Variants in CCDC7 observed in about 807,000 individuals in gnomAD.
CCDC7 encodes the protein coiled-coil domain containing 7, also known as coiled-coil domain-containing protein 7.
Under a neutral mutation model 196.9 loss-of-function variants are expected in CCDC7, and 183 were observed. The ratio of observed to expected loss-of-function variants is 0.93; its 90% confidence interval spans 0.82 to 1.05. The LOEUF (loss-of-function observed/expected upper bound fraction) is 1.05. Among genes scored for constraint, CCDC7 ranks in the 50% least tolerant of loss-of-function variants. The probability of loss-of-function intolerance (pLI) is 0.00; values close to 1 mark genes in which losing one functional copy is unlikely to be tolerated. For missense variants in CCDC7, 1,540 were observed against 1,482.2 expected (o/e 1.04, Z -0.64); for synonymous variants, 525 against 484.6 (o/e 1.08, Z -1.10).
At chr10:32,777,205 A>G (rs895795114) in intron 28 of CCDC7, among the ~76,000 whole-genome samples, 9 of 152,170 alleles carry the variant, frequency 5.9e-5, no homozygotes, top group African/African-American at 2.2e-4. Context: ...TGCAAAAGAC[A>G]TGATTTTGTT....
chr10:32,489,756 T>G (rs1171214942), intron 8 of CCDC7, among the ~76,000 whole-genome samples: 1 of 151,660 alleles, frequency 6.6e-6, no homozygotes, highest in Non-Finnish European at 1.5e-5. Context: ...GGGCCTGGGG[T>G]GGGGCTAGCC....
rs866820870 is a variant in CCDC7 at position 32,482,948 on chromosome 10, G to T, written c.796+8925G>T. The stretch of plus-strand genomic sequence containing the variant: ...AGTCTTTGCTATTGTGAATAGTGCC[G>T]CAATAAACATACGTGTGCATGTGTC... On this transcript the variant is annotated intron_variant, in intron 8 of 41. Transcript: ENST00000639629. Among the ~76,000 whole-genome samples the T allele has an allele frequency of 5.7e-4, 87 of 152,128 alleles. No individual in the cohort carries two copies. In the Middle Eastern group the frequency reaches 0.014, roughly 24 times the overall value.
intron 22 of CCDC7, among the ~76,000 whole-genome samples, chr10:32,882,157 C>T (rs2094814018): frequency 1.3e-5 from 2 of 152,106 alleles, no homozygotes; most frequent in Admixed American, 1.3e-4. Context: ...GATTCAACTC[C>T]AAGTACAGCA....
At chr10:32,669,162 G>A (rs1225639527) in intron 21 of CCDC7, among the ~76,000 whole-genome samples, 1 of 151,962 alleles carries the variant, frequency 6.6e-6, no homozygotes, top group Admixed American at 6.6e-5. Flanking sequence ...ATTATCATGT[G>A]GTTTTTGTCC....
chr10:32,655,422 A>G (rs2140248474), intron 20 of CCDC7, among the ~76,000 whole-genome samples: 1 of 152,216 alleles, frequency 6.6e-6, no homozygotes, highest in Middle Eastern at 3.4e-3. Flanking sequence ...AGTTGTTCTA[A>G]TAGGTGTGAG....
At chr10:32,677,371 T>G (rs1763795) in intron 21 of CCDC7, among the ~76,000 whole-genome samples, 1 of 142,828 alleles carries the variant, frequency 7.0e-6, no homozygotes, top group Admixed American at 6.8e-5. Context: ...ATAATAATAA[T>G]AAAAAAAAAG....
chr10:32,708,499 C>T (rs974629652), intron 24 of CCDC7, among the ~76,000 whole-genome samples: 1 of 152,200 alleles, frequency 6.6e-6, no homozygotes, highest in Non-Finnish European at 1.5e-5. Flanking sequence ...AGAGCTTCTG[C>T]ACAGCAAAAG....
At chr10:32,849,404 T>C in intron 39 of CCDC7, among the ~76,000 whole-genome samples, 1 of 151,798 alleles carries the variant, frequency 6.6e-6, no homozygotes, top group East Asian at 1.9e-4. Context: ...TTACTGGTTG[T>C]TCAAAAAGAA....
At chr10:32,670,660 C>T (rs534208407) in intron 21 of CCDC7, among the ~76,000 whole-genome samples, 37 of 150,944 alleles carry the variant, frequency 2.5e-4, no homozygotes, top group African/African-American at 8.5e-4. Flanking sequence ...TTTGTTCTTG[C>T]GATAGTTTAC....
At chr10:32,558,432 T>C (rs1289569855) in intron 13 of CCDC7, among the ~76,000 whole-genome samples, 4 of 152,146 alleles carry the variant, frequency 2.6e-5, no homozygotes, top group Non-Finnish European at 5.9e-5. Flanking sequence ...GAGATTTGGG[T>C]AGAGTTTATA....
At chr10:32,786,815 A>G (rs1267252159) in intron 29 of CCDC7, among the ~76,000 whole-genome samples, 2 of 152,174 alleles carry the variant, frequency 1.3e-5, no homozygotes, top group Non-Finnish European at 1.5e-5. Flanking sequence ...TCAAAGAGCT[A>G]AAGGAAAACA....
At chr10:32,768,775 A>G (rs2078713662) in intron 28 of CCDC7, among the ~76,000 whole-genome samples, 1 of 152,172 alleles carries the variant, frequency 6.6e-6, no homozygotes, top group Admixed American at 6.6e-5. Context: ...CGAGATTATC[A>G]AAAGTGTTTT....
At chr10:32,702,925 G>T (rs537983020) in intron 24 of CCDC7, among the ~76,000 whole-genome samples, 1 of 152,166 alleles carries the variant, frequency 6.6e-6, no homozygotes, top group Admixed American at 6.5e-5. Context: ...ACGTGAGATG[G>T]GTTTCCTGAA....
intron 20 of CCDC7, among the ~76,000 whole-genome samples, chr10:32,640,716 T>C (rs189406991): frequency 1.9e-3 from 296 of 152,254 alleles, no homozygotes; most frequent in Non-Finnish European, 3.6e-3. Flanking sequence ...GGTGACAAAA[T>C]CTGTCAGCAT....
intron 29 of CCDC7, among the ~76,000 whole-genome samples, chr10:32,793,624 A>T (rs2083073376): frequency 6.6e-6 from 1 of 152,026 alleles, no homozygotes; most frequent in South Asian, 2.1e-4. Context: ...TCCCATTTTC[A>T]TTTGTTTCAA....
chr10:32,735,343 T>C (rs2084683980), intron 28 of CCDC7, among the ~76,000 whole-genome samples: 1 of 152,224 alleles, frequency 6.6e-6, no homozygotes, highest in Middle Eastern at 3.2e-3. Context: ...AGTTCCCATG[T>C]TCCTTGCCAG....
chr10:32,617,315 G>GT (rs1156249815), intron 18 of CCDC7, among the ~76,000 whole-genome samples: 2 of 151,298 alleles, frequency 1.3e-5, no homozygotes, highest in East Asian at 1.9e-4. Flanking sequence ...TTTGATATTT[G>GT]TTTTTTTCTG....
intron 31 of CCDC7, 42 bp downstream of exon 32, chr10:32,814,495 T>C: frequency 7.1e-7 from 1 of 1,408,052 alleles, no homozygotes; most frequent in Non-Finnish European, 1.0e-6. Flanking sequence ...TCTGGTTAGT[T>C]TATATTCTCT....
At chr10:32,462,845 T>C in intron 4 of CCDC7, 142 bp downstream of exon 5, 1 of 1,266,770 alleles carries the variant, frequency 7.9e-7, no homozygotes. Flanking sequence ...TTATGTTCAT[T>C]TGTATAGTGC....
Sources: allele counts gnomAD v4.1 joint callset (sites outside exome capture counted in the v4.1 genomes callset), GRCh38; gene constraint gnomAD v4.1.1; transcripts MANE v1.5; gene names NCBI Gene and HGNC (gene_info 2026-07-23, HGNC 2026-07-21).